The following MSH3 variants were observed in gnomAD, a reference collection of about 807,000 sequenced individuals.
The protein encoded by MSH3 is DNA mismatch repair protein Msh3.
In MSH3, 106 loss-of-function variants were observed where a neutral mutation model predicts 123.3. The ratio of observed to expected loss-of-function variants is 0.86; its 90% CI spans 0.73 to 1.01. The LOEUF is 1.01. Ranked by LOEUF, MSH3 falls within the 50% of genes least tolerant of loss-of-function variation. The pLI is 0.00. For missense variants in MSH3, 1,459 were observed against 1,347.6 expected, an observed-to-expected ratio of 1.08 and a Z score of -1.29; for synonymous variants, 515 against 481.4, an observed-to-expected ratio of 1.07 and a Z score of -0.91.
chr5:80,663,782 T>G (rs1749500626), intron 2 of MSH3, among the ~76,000 whole-genome samples: 1 of 81,236 alleles, frequency 1.2e-5, no homozygotes, highest in Admixed American at 1.1e-4. Context: ...TTTTAAACTA[T>G]TTTTTTTGAA....
intron 12 of MSH3, among the ~76,000 whole-genome samples, chr5:80,747,210 C>A (rs1743737799): frequency 6.6e-6 from 1 of 152,178 alleles, no homozygotes; most frequent in Admixed American, 6.5e-5. Context: ...TTACATGTTA[C>A]AGCAGAAACA....
chr5:80,771,677 C>A (rs987450477), intron 15 of MSH3, among the ~76,000 whole-genome samples: 5 of 152,048 alleles, frequency 3.3e-5, no homozygotes. Context: ...TTTGTAATAA[C>A]CTTAAAAGAC....
intron 20 of MSH3, among the ~76,000 whole-genome samples, chr5:80,835,087 C>G (rs991413868): frequency 1.3e-5 from 2 of 152,182 alleles, no homozygotes; most frequent in Admixed American, 6.5e-5. Flanking sequence ...AATGTGCCAT[C>G]AGACAAGCTC....
In MSH3 at chr5:80,725,580, T is replaced by C. The variant is rs200717987; in HGVS notation, c.1453+15T>C. Reference sequence around the variant, plus strand: ...TGACATCAAAGGTAAATATTTTCCCTGTATGTCCTCAAGTTGAACTGATTT... The same window carrying C: ...TGACATCAAAGGTAAATATTTTCCCCGTATGTCCTCAAGTTGAACTGATTT... On this transcript the variant is annotated intron_variant, in intron 9 of 23. Coordinates refer to ENST00000265081, the MANE Select transcript of MSH3 (RefSeq NM_002439.5). 2,063 of 1,557,796 alleles carry C rather than the reference T, an allele frequency of 1.3e-3. 4 individuals carry two copies. Among genetic ancestry groups the C allele is most frequent in the Non-Finnish European group, 1.5e-3 (1,709 of 1,128,960 alleles).
rs982532839 is a variant in MSH3, at chr5:80,673,834, A to G, written c.1027+976A>G. ...TGTCAGTTTCAAAAGCCAAATAATT[A>G]TATGTAAAATTAGACCAGGGTGCAT... is the stretch of plus-strand genomic sequence containing the variant. On this transcript the variant is annotated intron_variant, in intron 6 of 23. Transcript: ENST00000265081. Among the ~76,000 whole-genome samples the G allele has an allele frequency of 2.0e-3, 306 of 152,294 alleles. 2 individuals are homozygous for G. Among genetic ancestry groups the G allele is most frequent in the African/African-American group, 7.1e-3 (294 of 41,546 alleles).
At chr5:80,658,357 C>A (rs996397667) in intron 2 of MSH3, among the ~76,000 whole-genome samples, 1 of 152,112 alleles carries the variant, frequency 6.6e-6, no homozygotes, top group Non-Finnish European at 1.5e-5. Context: ...CTGCACCCGG[C>A]CTGTTGTTCT....
rs375679329 is a variant in MSH3 at position 80,873,304 on chromosome 5, T to C, written c.3302+17T>C. 13 of 1,613,190 alleles carry C rather than the reference T, an allele frequency of 8.1e-6. No individual in the cohort carries two copies. The African/African-American group carries it at 1.7e-4, about 22-fold the overall frequency. On this transcript the variant is annotated intron_variant, in intron 23 of 23. Coordinates refer to ENST00000265081, the MANE Select transcript of MSH3 (RefSeq NM_002439.5). The stretch of plus-strand genomic sequence containing the variant: ...TACGAAAAGGTCAGAGTGATTATGC[T>C]GCATTTTTTCATTTGTAATGAAACC...
intron 12 of MSH3, 152 bp from the exon 13 acceptor site, chr5:80,761,394 G>C (rs771223542): frequency 7.0e-5 from 65 of 930,696 alleles, no homozygotes; most frequent in Non-Finnish European, 1.5e-5. Context: ...TTTTGTCAGG[G>C]AGTCCTTCCC....
chr5:80,875,995 A>G lies in MSH3; in HGVS notation c.*133A>G, dbSNP rs1029738952. 6.0e-6 allele frequency: 4 copies of G among 663,366 alleles called. No homozygotes were observed. Among genetic ancestry groups the G allele is most frequent in the Non-Finnish European group, 1.1e-5 (4 of 372,042 alleles). The allele number at this position is 663,366 out of a possible 1,614,324, so 41.1% of individuals were successfully genotyped here. A position where few individuals can be genotyped will look rare whatever the true frequency, so the allele number is the denominator to read the frequency against. ...ATGACCATGGTATATTCCTATTGGA[A>G]ACAGAGAGGTTTTTCTGAAGACAGT... On this transcript the variant is annotated 3_prime_UTR_variant, in exon 24 of 24. Coordinates refer to ENST00000265081, the MANE Select transcript of MSH3 (RefSeq NM_002439.5).
Position 80,813,743 on chromosome 5 carries a change from T to G in MSH3, c.2813+2T>G, listed in dbSNP as rs1580066619. The G allele has an allele frequency of 6.2e-7, 1 of 1,614,080 alleles. No individual in the cohort carries two copies. Among genetic ancestry groups the G allele is most frequent in the Non-Finnish European group, 8.5e-7 (1 of 1,179,940 alleles). The stretch of plus-strand genomic sequence containing the variant: ...GATTGTGGATGGCATTTTCACAAGG[T>G]AAGTACGTTAATTCAGCTTGCATAT... On this transcript the variant is annotated splice_donor_variant, in intron 20 of 23. Coordinates refer to ENST00000265081, the MANE Select transcript of MSH3 (RefSeq NM_002439.5). LOFTEE classifies it high-confidence loss of function.
chr5:80,766,049 G>A (rs993160223), intron 13 of MSH3, among the ~76,000 whole-genome samples: 2 of 151,580 alleles, frequency 1.3e-5, no homozygotes, highest in Admixed American at 1.3e-4. Context: ...TTGTTTTCTT[G>A]TCCTCCAAAT....
chr5:80,747,855 G>C (rs976298831), intron 12 of MSH3, among the ~76,000 whole-genome samples: 7 of 152,188 alleles, frequency 4.6e-5, no homozygotes, highest in African/African-American at 1.7e-4. Flanking sequence ...GCAGTGGGCT[G>C]TACTATCTAA....
chr5:80,770,802 T>C (rs1744202341), intron 15 of MSH3, among the ~76,000 whole-genome samples: 1 of 152,220 alleles, frequency 6.6e-6, no homozygotes, highest in African/African-American at 2.4e-5. Flanking sequence ...GTTTAAGTCT[T>C]GGAAAGACGG....
intron 22 of MSH3, among the ~76,000 whole-genome samples, chr5:80,867,026 T>C (rs1305386486): frequency 3.3e-5 from 5 of 152,202 alleles, no homozygotes; most frequent in Non-Finnish European, 7.3e-5. Flanking sequence ...TTTGTCCTCC[T>C]GCTCATCTGA....
rs572588133 is a variant in MSH3 at position 80,834,203 on chromosome 5, G to A, written c.2814-19927G>A. On this transcript the variant is annotated intron_variant, in intron 20 of 23. Coordinates refer to ENST00000265081, the MANE Select transcript of MSH3 (RefSeq NM_002439.5). Reference sequence around the variant, plus strand: ...AAATGTGTTGGCTCCTAATGCAGTGGCCTTCAAACTACCCTCCAGGGTGTG... The same window carrying A: ...AAATGTGTTGGCTCCTAATGCAGTGACCTTCAAACTACCCTCCAGGGTGTG... Among the ~76,000 whole-genome samples, 4 of 152,180 alleles carry A rather than the reference G, an allele frequency of 2.6e-5. No individual in the cohort carries two copies. In the South Asian group the frequency reaches 6.2e-4, roughly 24 times the overall value.
At position 80,672,445 on chromosome 5, in the gene MSH3, G is replaced by A; in HGVS notation, c.909+85G>A. The A allele has an allele frequency of 1.0e-6, 1 of 968,940 alleles. No homozygotes were observed. Among genetic ancestry groups the A allele is most frequent in the Non-Finnish European group, 1.7e-6 (1 of 597,862 alleles). The allele number at this position is 968,940 out of a possible 1,614,324, so 60.0% of individuals were successfully genotyped here. ...AACGTGTTTTGTAAGGTGGTAGGTA[G>A]GCTTCAATTGGTTTAGAATTTTGCA... On this transcript the variant is annotated intron_variant, in intron 5 of 23. Transcript: ENST00000265081.
chr5:80,685,462 C>T (rs971262950), intron 8 of MSH3, among the ~76,000 whole-genome samples: 2 of 151,812 alleles, frequency 1.3e-5, no homozygotes, highest in Admixed American at 1.3e-4. Context: ...CATATGGTTG[C>T]TCATAGTAAC....
intron 20 of MSH3, among the ~76,000 whole-genome samples, chr5:80,829,557 C>T (rs1451652228): frequency 6.6e-6 from 1 of 152,176 alleles, no homozygotes; most frequent in Non-Finnish European, 1.5e-5. Context: ...ATCAAATGTT[C>T]ACCCAGTCTT....
At position 80,665,165 on chromosome 5, in the gene MSH3, C is replaced by G. The variant is rs1804661; in HGVS notation, c.381C>G (p.Thr127=). ...AAGAGCCAAAGAAATGTCTGAGGAC[C>G]AGGAATGTTTCAAAGTCTCTGGAAA... ...GNSEPKKCLR[T]RNVSKSLEKL... Residue 127 remains threonine, a synonymous_variant, in exon 3 of 24, where the codon ACC becomes ACG. Transcript: ENST00000265081. 6.2e-7 allele frequency: 1 copy of G among 1,613,918 alleles called. No individual in the cohort carries two copies. Among genetic ancestry groups the G allele is most frequent in the Non-Finnish European group, 8.5e-7 (1 of 1,179,932 alleles).
Sources: allele counts gnomAD v4.1 joint callset (sites outside exome capture counted in the v4.1 genomes callset), GRCh38; gene constraint gnomAD v4.1.1; transcripts MANE v1.5; gene names NCBI Gene and HGNC (gene_info 2026-07-23, HGNC 2026-07-21).